Variants in ASTN1 observed in about 807,000 individuals in gnomAD.
The protein encoded by ASTN1 is astrotactin-1.
ASTN1 carries 41 observed loss-of-function variants against 140.7 expected under a neutral mutation model. That is an observed-to-expected ratio of 0.29 (90% CI 0.23 to 0.38). The LOEUF is 0.38. Among genes scored for constraint, ASTN1 ranks in the 10% least tolerant of loss-of-function variants. The pLI is 1.00. For missense variants in ASTN1, 1,479 were observed against 1,678.8 expected (o/e 0.88, Z 2.08); for synonymous variants, 640 against 652.2 (o/e 0.98, Z 0.29).
Position 177,118,124 on chromosome 1 carries a change from C to T in ASTN1, c.283+46270G>A, listed in dbSNP as rs924061622. On this transcript the variant is annotated intron_variant, in intron 1 of 22. Transcript: ENST00000361833. ...AATTGCAAGATTCCTGGAAATAGGA[C>T]TTGTTCTTTTTGATATTTATATTCC... 5.3e-5 allele frequency among the ~76,000 whole-genome samples: 8 copies of T among 152,248 alleles called. No homozygotes were observed. The East Asian group carries it at 7.7e-4, about 15-fold the overall frequency.
intron 22 of ASTN1, among the ~76,000 whole-genome samples, chr1:176,868,192 T>C (rs1668198356): frequency 6.6e-6 from 1 of 152,206 alleles, no homozygotes; most frequent in South Asian, 2.1e-4. Flanking sequence ...TATACAGTTA[T>C]GATTAACAGA....
At chr1:177,029,878 G>T (rs1676337171) in intron 4 of ASTN1, 137 bp from the exon 5 acceptor site, 2 of 801,286 alleles carry the variant, frequency 2.5e-6, no homozygotes, top group South Asian at 3.5e-5. Flanking sequence ...TAGCCAAGGG[G>T]GTTGGGGCTT....
chr1:177,057,779 T>G (rs1329869787), intron 2 of ASTN1, among the ~76,000 whole-genome samples: 1 of 152,180 alleles, frequency 6.6e-6, no homozygotes, highest in Non-Finnish European at 1.5e-5. Context: ...GTAATAAGAT[T>G]TAATTTAAGT....
intron 22 of ASTN1, among the ~76,000 whole-genome samples, chr1:176,865,973 A>G (rs996647893): frequency 1.3e-5 from 2 of 152,186 alleles, no homozygotes; most frequent in African/African-American, 2.4e-5. Flanking sequence ...CCATGATTCA[A>G]TTACCTCCCC....
intron 1 of ASTN1, among the ~76,000 whole-genome samples, chr1:177,085,583 C>G (rs1002236374): frequency 1.3e-5 from 2 of 152,132 alleles, no homozygotes; most frequent in African/African-American, 4.8e-5. Flanking sequence ...TGACCCTGGG[C>G]AGGTTCCTTG....
chr1:177,098,289 T>C (rs113762012), intron 1 of ASTN1, among the ~76,000 whole-genome samples: 1 of 145,516 alleles, frequency 6.9e-6, no homozygotes, highest in African/African-American at 2.8e-5. Context: ...AGTTGGCCAA[T>C]TGGTTGTTGG....
At chr1:177,108,071 C>T (rs1011036136) in intron 1 of ASTN1, among the ~76,000 whole-genome samples, 1 of 152,030 alleles carries the variant, frequency 6.6e-6, no homozygotes, top group Admixed American at 6.6e-5. Context: ...AATTATCAGC[C>T]AGGCGTGGTG....
intron 8 of ASTN1, among the ~76,000 whole-genome samples, chr1:176,971,333 C>A (rs1421453405): frequency 6.6e-6 from 1 of 152,134 alleles, no homozygotes; most frequent in Non-Finnish European, 1.5e-5. Flanking sequence ...ACAATCATTA[C>A]TAGTTCTGGG....
intron 8 of ASTN1, among the ~76,000 whole-genome samples, chr1:176,995,918 A>G (rs375228907): frequency 9.1e-4 from 138 of 152,266 alleles, no homozygotes; most frequent in African/African-American, 3.2e-3. Flanking sequence ...CAAATGTTGC[A>G]GTGATGAAGA....
At chr1:176,998,449 A>T (rs1489762081) in intron 8 of ASTN1, among the ~76,000 whole-genome samples, 2 of 150,374 alleles carry the variant, frequency 1.3e-5, no homozygotes, top group East Asian at 4.0e-4. Flanking sequence ...GACTTCACTG[A>T]TGCCTGAACA....
At chr1:177,030,062 G>A (rs1427460914) in intron 4 of ASTN1, among the ~76,000 whole-genome samples, 1 of 152,150 alleles carries the variant, frequency 6.6e-6, no homozygotes, top group Non-Finnish European at 1.5e-5. Flanking sequence ...CTCATTACAG[G>A]TTATGATTCT....
chr1:176,919,180 C>G (rs12563065), intron 16 of ASTN1, among the ~76,000 whole-genome samples: 21,831 of 152,180 alleles, frequency 0.14, 1,662 homozygotes, highest in Admixed American at 0.2. Flanking sequence ...GATTATGCCT[C>G]TCATGCGGTG....
intron 1 of ASTN1, among the ~76,000 whole-genome samples, chr1:177,092,715 G>C (rs1042302685): frequency 2.0e-5 from 3 of 152,162 alleles, no homozygotes; most frequent in Non-Finnish European, 2.9e-5. Flanking sequence ...TTGTTTCCAT[G>C]TGATAGGCAG....
At chr1:177,000,427 T>A (rs1415277778) in intron 8 of ASTN1, among the ~76,000 whole-genome samples, 1 of 152,110 alleles carries the variant, frequency 6.6e-6, no homozygotes, top group African/African-American at 2.4e-5. Context: ...AAGAGACTCA[T>A]AAAACTTATG....
intron 2 of ASTN1, among the ~76,000 whole-genome samples, chr1:177,050,162 C>G (rs1677467890): frequency 6.6e-6 from 1 of 152,198 alleles, no homozygotes; most frequent in Non-Finnish European, 1.5e-5. Context: ...GTCCCGAATC[C>G]TTCCCACTTC....
At chr1:177,110,433 G>A (rs1351171774) in intron 1 of ASTN1, among the ~76,000 whole-genome samples, 2 of 152,110 alleles carry the variant, frequency 1.3e-5, no homozygotes, top group Admixed American at 6.5e-5. Context: ...AATCTGAAGC[G>A]GCCAGTGAGT....
At chr1:177,050,817 G>A (rs1677504514) in intron 2 of ASTN1, among the ~76,000 whole-genome samples, 1 of 152,118 alleles carries the variant, frequency 6.6e-6, no homozygotes, top group Non-Finnish European at 1.5e-5. Context: ...ATCAATGTCT[G>A]GAAGCATAAT....
At chr1:177,152,767 TAGG>T (rs1683093298) in intron 1 of ASTN1, among the ~76,000 whole-genome samples, 1 of 152,226 alleles carries the variant, frequency 6.6e-6, no homozygotes, top group Non-Finnish European at 1.5e-5. Flanking sequence ...ACGGAATGGA[TAGG>T]AGAACTCTAG....
At chr1:176,972,359 C>T (rs756488130) in intron 8 of ASTN1, among the ~76,000 whole-genome samples, 5 of 152,072 alleles carry the variant, frequency 3.3e-5, no homozygotes, top group Non-Finnish European at 1.5e-5. Context: ...AGTGTGGTGG[C>T]CAGCTGCAGT....
Sources: gnomAD v4.1 joint callset for allele counts (sites outside exome capture counted in the v4.1 genomes callset) on GRCh38, gnomAD v4.1.1 for gene constraint, MANE v1.5 for transcripts, NCBI Gene and HGNC (gene_info 2026-07-23, HGNC 2026-07-21) for gene names.